The following REDIC1 variants were observed in gnomAD, a reference collection of about 807,000 sequenced individuals.
REDIC1 encodes regulator of DNA class I crossover intermediates 1.
At chr12:39,626,370 C>T in the REDIC1 span, 1 of 1,614,056 alleles carries the variant, frequency 6.2e-7, no homozygotes, top group Admixed American at 1.7e-5. Context: ...GTAAGTTGTG[C>T]AGCTGGAGTT....
chr12:39,748,898 T>A, the REDIC1 span, among the ~76,000 whole-genome samples: 1 of 152,072 alleles, frequency 6.6e-6, no homozygotes, highest in South Asian at 2.1e-4. Flanking sequence ...CATACCAGAA[T>A]CTCTGGGACA....
chr12:39,714,145 A>G, the REDIC1 span, among the ~76,000 whole-genome samples: 1 of 148,012 alleles, frequency 6.8e-6, no homozygotes, highest in African/African-American at 2.6e-5. Context: ...ATACGTATAT[A>G]TGTATATACA....
At chr12:39,866,308 C>A in the REDIC1 span, among the ~76,000 whole-genome samples, 2 of 152,050 alleles carry the variant, frequency 1.3e-5, no homozygotes, top group Non-Finnish European at 2.9e-5. Flanking sequence ...ACAGAGGTGA[C>A]CTTGGGATCA....
the REDIC1 span, among the ~76,000 whole-genome samples, chr12:39,636,963 C>T: frequency 4.0e-5 from 6 of 151,770 alleles, no homozygotes; most frequent in East Asian, 3.9e-4. Flanking sequence ...TAGCATTTTC[C>T]TTTAAACCTT....
the REDIC1 span, among the ~76,000 whole-genome samples, chr12:39,826,836 C>A: frequency 1.1e-5 from 1 of 90,456 alleles, no homozygotes; most frequent in Non-Finnish European, 2.2e-5. Context: ...TCCTTTATTT[C>A]TTTTAAAGTC....
the REDIC1 span, among the ~76,000 whole-genome samples, chr12:39,856,899 T>C: frequency 1.3e-5 from 2 of 152,244 alleles, no homozygotes; most frequent in South Asian, 4.1e-4. Flanking sequence ...TTCATATTTA[T>C]ATTTTCTGTA....
chr12:39,739,660 T>C, the REDIC1 span, among the ~76,000 whole-genome samples: 7 of 152,290 alleles, frequency 4.6e-5, no homozygotes, highest in South Asian at 1.5e-3. Flanking sequence ...GCTTCATTTT[T>C]GAAATTAATT....
At chr12:39,662,799 C>T in the REDIC1 span, among the ~76,000 whole-genome samples, 2 of 151,988 alleles carry the variant, frequency 1.3e-5, no homozygotes, top group Non-Finnish European at 2.9e-5. Flanking sequence ...AGATATGTTC[C>T]TTCTGTGCTT....
the REDIC1 span, among the ~76,000 whole-genome samples, chr12:39,771,208 TATTTTCTG>T: frequency 6.6e-6 from 1 of 152,174 alleles, no homozygotes; most frequent in African/African-American, 2.4e-5. Context: ...TGATGGTTCC[TATTTTCTG>T]ATTTTCATGC....
the REDIC1 span, among the ~76,000 whole-genome samples, chr12:39,700,693 C>T: frequency 2.0e-4 from 31 of 152,034 alleles, no homozygotes; most frequent in African/African-American, 5.8e-4. Flanking sequence ...AGAGAAAGGT[C>T]GGGTTACCCT....
At chr12:39,712,972 TGTATATATA>T in the REDIC1 span, among the ~76,000 whole-genome samples, 1 of 18,544 alleles carries the variant, frequency 5.4e-5, no homozygotes, top group South Asian at 1.7e-3. Context: ...TACGTGTATA[TGTATATATA>T]CATGTGTATA....
At chr12:39,847,001 A>G in the REDIC1 span, among the ~76,000 whole-genome samples, 2 of 152,206 alleles carry the variant, frequency 1.3e-5, no homozygotes, top group African/African-American at 4.8e-5. Flanking sequence ...ACTGGTTTCA[A>G]AGGCCAAGGA....
the REDIC1 span, among the ~76,000 whole-genome samples, chr12:39,868,629 C>T: frequency 2.0e-5 from 3 of 152,160 alleles, no homozygotes; most frequent in African/African-American, 7.2e-5. Flanking sequence ...AGAAATATTA[C>T]ACTACCAAAA....
At chr12:39,814,873 G>A in the REDIC1 span, among the ~76,000 whole-genome samples, 101,977 of 151,908 alleles carry the variant, frequency 0.67, 34,536 homozygotes, top group East Asian at 0.77. Flanking sequence ...ATTATCAATC[G>A]CTTTATCCTC....
At chr12:39,850,397 G>A in the REDIC1 span, among the ~76,000 whole-genome samples, 13 of 152,062 alleles carry the variant, frequency 8.5e-5, no homozygotes, top group African/African-American at 1.9e-4. Flanking sequence ...CTGAGCCATG[G>A]CACTCATTGT....
the REDIC1 span, chr12:39,716,611 C>A: frequency 1.1e-5 from 6 of 557,128 alleles, no homozygotes; most frequent in East Asian, 2.3e-4. Flanking sequence ...CAAGTATCCA[C>A]AATTTTAACT....
chr12:39,893,061 A>T, the REDIC1 span, among the ~76,000 whole-genome samples: 8 of 152,222 alleles, frequency 5.3e-5, no homozygotes, highest in Admixed American at 3.9e-4. Flanking sequence ...GAAGGAAACC[A>T]TGATAATTTA....
chr12:39,636,110 G>A, the REDIC1 span, among the ~76,000 whole-genome samples: 1 of 152,008 alleles, frequency 6.6e-6, no homozygotes, highest in Non-Finnish European at 1.5e-5. Flanking sequence ...ATGTGTTGGA[G>A]TGTCATTTGC....
the REDIC1 span, among the ~76,000 whole-genome samples, chr12:39,693,610 T>C: frequency 6.6e-6 from 1 of 152,160 alleles, no homozygotes; most frequent in Non-Finnish European, 1.5e-5. Context: ...TAGATTCCTC[T>C]GTGTTAGTGC....
Sources: gnomAD v4.1 joint callset for allele counts (sites outside exome capture counted in the v4.1 genomes callset) on GRCh38, gnomAD v4.1.1 for gene constraint, MANE v1.5 for transcripts, NCBI Gene and HGNC (gene_info 2026-07-23, HGNC 2026-07-21) for gene names.